The following OIT3 variants were observed in gnomAD, a reference collection of about 807,000 sequenced individuals.
OIT3 encodes oncoprotein induced transcript 3.
OIT3 carries 41 observed loss-of-function variants against 52.2 expected under a neutral mutation model. The ratio of observed to expected loss-of-function variants is 0.79; its 90% confidence interval spans 0.61 to 1.02. OIT3 has a LOEUF of 1.02. OIT3 is among the 50% of genes least tolerant of loss of function. OIT3 has a pLI of 0.00. For missense variants in OIT3, 634 were observed against 715.5 expected, an observed-to-expected ratio of 0.89 and a Z score of 1.30; for synonymous variants, 244 against 276.9, an observed-to-expected ratio of 0.88 and a Z score of 1.18.
intron 1 of OIT3, among the ~76,000 whole-genome samples, 182 bp from the exon 2 acceptor site, chr10:72,898,482 G>A (rs1187851966): frequency 6.6e-6 from 1 of 152,130 alleles, no homozygotes; most frequent in Non-Finnish European, 1.5e-5. Context: ...TTTGAAAAGG[G>A]CATTTATGCA....
At chr10:72,923,551 G>A (rs1437523869) in intron 6 of OIT3, among the ~76,000 whole-genome samples, 2 of 151,888 alleles carry the variant, frequency 1.3e-5, no homozygotes, top group African/African-American at 2.4e-5. Flanking sequence ...GCTCTCCAAA[G>A]TCTGGAGGCT....
intron 8 of OIT3, among the ~76,000 whole-genome samples, chr10:72,931,264 G>A (rs1846214172): frequency 1.3e-5 from 2 of 152,086 alleles, no homozygotes; most frequent in African/African-American, 4.8e-5. Flanking sequence ...ACAGAGGCAG[G>A]AGAATTGCCT....
Position 72,898,840 on chromosome 10 carries a change from T to C in OIT3, c.238T>C (p.Cys80Arg), listed in dbSNP as rs1453188730. ...MPTFCIPENH[C>R]GTHAPVWLNG... ...TACCTTCTGCATACCAGAAAACCAC[T>C]GTGGAACCCACGCACCTGTCTGGCT... Residue 80 changes from cysteine to arginine, a missense_variant, in exon 2 of 9, where the codon TGT (cysteine) becomes CGT (arginine). By Grantham distance (180) the Cys-to-Arg change is radical (BLOSUM62 -3). Coordinates refer to ENST00000334011, the MANE Select transcript of OIT3 (RefSeq NM_152635.3). 1.2e-6 allele frequency: 2 copies of C among 1,614,124 alleles called. No homozygotes were observed. Among genetic ancestry groups the C allele is most frequent in the Non-Finnish European group, 1.7e-6 (2 of 1,180,000 alleles).
intron 3 of OIT3, 125 bp from the exon 4 acceptor site, chr10:72,906,471 A>AGGG: frequency 1.0e-6 from 1 of 998,734 alleles, no homozygotes; most frequent in Non-Finnish European, 1.5e-6. Context: ...ACTGGATCAG[A>AGGG]GGGGGAGCTG....
intron 7 of OIT3, 67 bp downstream of exon 7, chr10:72,924,711 C>G: frequency 7.9e-7 from 1 of 1,273,582 alleles, no homozygotes; most frequent in South Asian, 1.5e-5. Flanking sequence ...TCACAGCACA[C>G]CCAGTCATTT....
At chr10:72,924,665 G>GTC (rs1161140715) in intron 7 of OIT3, 21 bp downstream of exon 7, 6 of 1,571,418 alleles carry the variant, frequency 3.8e-6, no homozygotes, top group Non-Finnish European at 5.2e-6. Context: ...TGCAAGAATG[G>GTC]TCTCATCACC....
intron 1 of OIT3, among the ~76,000 whole-genome samples, chr10:72,895,135 A>T (rs1270953348): frequency 5.3e-5 from 8 of 152,192 alleles, no homozygotes; most frequent in Non-Finnish European, 1.2e-4. Context: ...GGTGTGGGGT[A>T]TGTGGGATCT....
chr10:72,894,447 G>A (rs1269037544), intron 1 of OIT3, among the ~76,000 whole-genome samples: 2 of 152,206 alleles, frequency 1.3e-5, no homozygotes, highest in Admixed American at 6.5e-5. Flanking sequence ...CTAGTAGAAT[G>A]TGAGTACTAA....
chr10:72,911,894 C>A, intron 5 of OIT3, 55 bp downstream of exon 5: 1 of 1,519,646 alleles, frequency 6.6e-7, no homozygotes, highest in Non-Finnish European at 8.9e-7. Flanking sequence ...TCTTCCTCTC[C>A]CAAAGCTCTT....
intron 3 of OIT3, among the ~76,000 whole-genome samples, chr10:72,901,071 AAAT>A (rs1218683208): frequency 6.6e-6 from 1 of 152,136 alleles, no homozygotes; most frequent in Non-Finnish European, 1.5e-5. Context: ...CTGTTTCTAA[AAAT>A]AATAATAATA....
At chr10:72,915,957 G>T (rs1484256202) in intron 6 of OIT3, among the ~76,000 whole-genome samples, 1 of 152,070 alleles carries the variant, frequency 6.6e-6, no homozygotes, top group Admixed American at 6.6e-5. Flanking sequence ...TGAATAATGG[G>T]CATCAACTGT....
intron 3 of OIT3, among the ~76,000 whole-genome samples, chr10:72,906,204 GA>G (rs1845977435): frequency 6.6e-6 from 1 of 152,174 alleles, no homozygotes; most frequent in South Asian, 2.1e-4. Context: ...TTCTGTAATG[GA>G]AGCTCCTTTC....
chr10:72,927,036 T>C (rs961468675), intron 7 of OIT3, among the ~76,000 whole-genome samples: 10 of 152,242 alleles, frequency 6.6e-5, no homozygotes, highest in Non-Finnish European at 1.2e-4. Flanking sequence ...AATATAATCA[T>C]AACTCACTGA....
chr10:72,909,140 G>C (rs147665233), intron 4 of OIT3, among the ~76,000 whole-genome samples: 2 of 130,788 alleles, frequency 1.5e-5, no homozygotes, highest in Non-Finnish European at 3.2e-5. Context: ...TTTTTTTTGA[G>C]ATAAGGTCTC....
intron 3 of OIT3, among the ~76,000 whole-genome samples, chr10:72,900,825 T>C (rs1845925334): frequency 6.6e-6 from 1 of 152,140 alleles, no homozygotes; most frequent in Non-Finnish European, 1.5e-5. Context: ...CCCAGCACTT[T>C]GGGAGGCTGA....
chr10:72,893,906 C>G, intron 1 of OIT3, 47 bp downstream of exon 1: 1 of 1,427,356 alleles, frequency 7.0e-7, no homozygotes. Context: ...TTTGTTGTGG[C>G]AATTTGCTAT....
intron 6 of OIT3, among the ~76,000 whole-genome samples, chr10:72,922,265 G>C (rs1255087347): frequency 6.6e-6 from 1 of 151,990 alleles, no homozygotes; most frequent in East Asian, 1.9e-4. Flanking sequence ...TGGATATCTT[G>C]AAATATGTTT....
At chr10:72,914,415 C>G (rs1291440517) in intron 6 of OIT3, among the ~76,000 whole-genome samples, 1 of 152,124 alleles carries the variant, frequency 6.6e-6, no homozygotes, top group Non-Finnish European at 1.5e-5. Flanking sequence ...CTTTGCGATC[C>G]TTTGGTTAAA....
rs763088245 is a variant in OIT3, at chr10:72,898,687, A to T, written c.85A>T (p.Ile29Phe). Reference sequence around the variant, plus strand: ...AGCCCTAGATCCTTGTTCTGCTTACATCAGCCTGAATGAGCCCTGGAGGAA... The same window carrying T: ...AGCCCTAGATCCTTGTTCTGCTTACTTCAGCCTGAATGAGCCCTGGAGGAA... The part of the protein sequence containing the change: ...PVALDPCSAY[I>F]SLNEPWRNTD... The change falls in exon 2 of 9, where the codon ATC (isoleucine) becomes TTC (phenylalanine). Residue 29 changes from isoleucine (I) to phenylalanine (F), a missense_variant. Coordinates refer to ENST00000334011, the MANE Select transcript of OIT3 (RefSeq NM_152635.3). The T allele has an allele frequency of 1.3e-5, 21 of 1,612,980 alleles. No homozygotes were observed. The East Asian group carries it at 3.1e-4, about 24-fold the overall frequency.
Sources: gnomAD v4.1 joint callset for allele counts (sites outside exome capture counted in the v4.1 genomes callset) on GRCh38, gnomAD v4.1.1 for gene constraint, MANE v1.5 for transcripts, NCBI Gene and HGNC (gene_info 2026-07-23, HGNC 2026-07-21) for gene names.